Variants in TMEM108 observed in about 807,000 individuals in gnomAD.
TMEM108 encodes transmembrane protein 108, also known as cancer/testis antigen 124.
Under a neutral mutation model 35.1 loss-of-function variants are expected in TMEM108, and 12 were observed. The observed-to-expected ratio is 0.34, with a 90% CI of 0.22 to 0.55. The LOEUF (loss-of-function observed/expected upper bound fraction) is 0.55, where lower values mean the gene tolerates loss of function less well. TMEM108 is among the 20% of genes least tolerant of loss of function. TMEM108 has a pLI of 0.89. For synonymous variants in TMEM108, 287 were observed against 308.6 expected, an observed-to-expected ratio of 0.93 and a Z score of 0.73; for missense variants, 680 against 753.3, an observed-to-expected ratio of 0.90 and a Z score of 1.14.
intron 2 of TMEM108, among the ~76,000 whole-genome samples, chr3:133,138,943 T>A (rs150442663): frequency 0.035 from 5,113 of 146,508 alleles, 285 homozygotes; most frequent in African/African-American, 0.12. Flanking sequence ...CAGGCCCCTG[T>A]GTGTGATGTT....
At chr3:133,387,142 C>G (rs774379148) in intron 4 of TMEM108, 1 of 985,448 alleles carries the variant, frequency 1.0e-6, no homozygotes, top group Non-Finnish European at 1.2e-6. Flanking sequence ...TTCTAGATCT[C>G]TCTTGTAGAG....
intron 2 of TMEM108, among the ~76,000 whole-genome samples, chr3:133,206,236 G>A (rs1458124307): frequency 6.6e-6 from 1 of 152,098 alleles, no homozygotes; most frequent in Non-Finnish European, 1.5e-5. Context: ...CTTGCATTGG[G>A]TTAGAACATG....
chr3:133,378,000 CCCGA>C (rs568957570), intron 3 of TMEM108, among the ~76,000 whole-genome samples: 265 of 152,328 alleles, frequency 1.7e-3, no homozygotes, highest in Middle Eastern at 3.4e-3. Flanking sequence ...CCATACCCCC[CCCGA>C]CCAACTCCAG....
intron 2 of TMEM108, among the ~76,000 whole-genome samples, chr3:133,175,255 G>A (rs1229465554): frequency 6.6e-6 from 1 of 152,204 alleles, no homozygotes; most frequent in African/African-American, 2.4e-5. Flanking sequence ...ACACTCTGCA[G>A]GATATTATCC....
chr3:133,136,114 G>A (rs1323468709), intron 2 of TMEM108, among the ~76,000 whole-genome samples: 2 of 152,226 alleles, frequency 1.3e-5, no homozygotes, highest in Non-Finnish European at 2.9e-5. Flanking sequence ...GCAATAAAGT[G>A]TAATTAAATA....
chr3:133,388,169 G>A, intron 4 of TMEM108: 1 of 985,470 alleles, frequency 1.0e-6, no homozygotes, highest in Non-Finnish European at 1.2e-6. Flanking sequence ...CTTCCCAGAT[G>A]GTTCCCTCTT....
intron 2 of TMEM108, among the ~76,000 whole-genome samples, chr3:133,054,752 C>G (rs1204737378): frequency 6.6e-6 from 1 of 152,170 alleles, no homozygotes; most frequent in South Asian, 2.1e-4. Flanking sequence ...GGTCCTGGCT[C>G]TATTTGGACC....
At chr3:133,347,377 G>A (rs1336609776) in intron 3 of TMEM108, among the ~76,000 whole-genome samples, 2 of 151,856 alleles carry the variant, frequency 1.3e-5, no homozygotes, top group South Asian at 2.1e-4. Flanking sequence ...ATACCTAAGT[G>A]TTTTCTTTCC....
chr3:133,186,829 C>A (rs1229782155), intron 2 of TMEM108, among the ~76,000 whole-genome samples: 14 of 152,116 alleles, frequency 9.2e-5, no homozygotes, highest in Admixed American at 2.0e-4. Context: ...GAGAGTTTAA[C>A]ATGCAAATTA....
intron 2 of TMEM108, among the ~76,000 whole-genome samples, chr3:133,064,887 G>A (rs1398943608): frequency 6.6e-6 from 1 of 151,980 alleles, no homozygotes; most frequent in Non-Finnish European, 1.5e-5. Flanking sequence ...AGCCAAAGTT[G>A]GTTTACTGGT....
At chr3:133,350,612 G>A (rs1054491625) in intron 3 of TMEM108, among the ~76,000 whole-genome samples, 2 of 152,048 alleles carry the variant, frequency 1.3e-5, no homozygotes, top group African/African-American at 4.8e-5. Context: ...AAAACAAATG[G>A]AGAAAGGGTA....
chr3:133,087,236 G>C (rs1173818453), intron 2 of TMEM108, among the ~76,000 whole-genome samples: 1 of 152,174 alleles, frequency 6.6e-6, no homozygotes, highest in Non-Finnish European at 1.5e-5. Context: ...CTCTGGACTT[G>C]ATAGAAAGCC....
intron 2 of TMEM108, among the ~76,000 whole-genome samples, chr3:133,105,355 G>A (rs1375688381): frequency 6.6e-6 from 1 of 152,164 alleles, no homozygotes; most frequent in Non-Finnish European, 1.5e-5. Context: ...GGTGGGTTGA[G>A]TCCTTCTCAT....
chr3:133,043,126 A>T (rs1349295130), intron 1 of TMEM108, among the ~76,000 whole-genome samples: 1 of 152,348 alleles, frequency 6.6e-6, no homozygotes, highest in East Asian at 1.9e-4. Context: ...TAGAAGAATC[A>T]TTCCTCAATC....
intron 3 of TMEM108, among the ~76,000 whole-genome samples, chr3:133,255,035 G>A (rs147400565): frequency 5.3e-5 from 8 of 152,320 alleles, no homozygotes; most frequent in African/African-American, 1.9e-4. Flanking sequence ...TTGGTTCCCA[G>A]GGTGTGTGCA....
chr3:133,183,731 G>A (rs1435329231), intron 2 of TMEM108, among the ~76,000 whole-genome samples: 1 of 152,168 alleles, frequency 6.6e-6, no homozygotes, highest in Non-Finnish European at 1.5e-5. Context: ...GCAGGAACCT[G>A]TGCAAGGCCC....
At chr3:133,232,024 C>CCA (rs10691985) in intron 3 of TMEM108, among the ~76,000 whole-genome samples, 2,594 of 152,230 alleles carry the variant, frequency 0.017, 62 homozygotes, top group African/African-American at 0.059. Flanking sequence ...TGGTGCCCTA[C>CCA]CACACACAGG....
chr3:133,248,982 G>T (rs932751850), intron 3 of TMEM108, among the ~76,000 whole-genome samples: 1 of 152,144 alleles, frequency 6.6e-6, no homozygotes, highest in Non-Finnish European at 1.5e-5. Context: ...TCACTGAGGG[G>T]GTTATCAGAT....
intron 3 of TMEM108, among the ~76,000 whole-genome samples, chr3:133,242,482 GTGT>G (rs1167985156): frequency 6.6e-6 from 1 of 152,218 alleles, no homozygotes; most frequent in Admixed American, 6.5e-5. Flanking sequence ...AGAGAGCTGA[GTGT>G]TTTAAAAACC....
Sources: gnomAD v4.1 joint callset for allele counts (sites outside exome capture counted in the v4.1 genomes callset) on GRCh38, gnomAD v4.1.1 for gene constraint, MANE v1.5 for transcripts, NCBI Gene and HGNC (gene_info 2026-07-23, HGNC 2026-07-21) for gene names.